The following HNRNPUL1 variants were observed in gnomAD, a reference collection of about 807,000 sequenced individuals.
HNRNPUL1 encodes heterogeneous nuclear ribonucleoprotein U like 1, also known as heterogeneous nuclear ribonucleoprotein U-like protein 1.
Under a neutral mutation model 108.5 loss-of-function variants are expected in HNRNPUL1, and 14 were observed. The observed-to-expected ratio is 0.13, with a 90% CI of 0.09 to 0.20. HNRNPUL1 has a LOEUF of 0.20. Ranked by LOEUF, HNRNPUL1 falls within the 10% of genes least tolerant of loss-of-function variation. The pLI, the probability that HNRNPUL1 is intolerant of heterozygous loss-of-function variation, is 1.00. For missense variants in HNRNPUL1, 804 were observed against 1,168.3 expected (o/e 0.69, Z 4.55); for synonymous variants, 422 against 445.2 (o/e 0.95, Z 0.66).
Position 41,292,632 on chromosome 19 carries a change from AG to A in HNRNPUL1, c.1266+122del. On this transcript the variant is annotated intron_variant, in intron 8 of 14. Transcript: ENST00000392006. The surrounding 1 kb of genome is among the most constrained non-coding windows in gnomAD (Gnocchi z 4.1). ...TTGGGGCAAGTGGCCACTTTGTCCC[AG>A]CTCCTCAGGGTTGGACTCAGAGCTG... 8.0e-7 allele frequency: 1 copy of A among 1,246,878 alleles called. No homozygotes were observed. Among genetic ancestry groups the A allele is most frequent in the Non-Finnish European group, 1.1e-6 (1 of 873,268 alleles). The allele number at this position is 1,246,878 out of a possible 1,614,324, so 77.2% of individuals were successfully genotyped here.
At chr19:41,297,534 C>T (rs1022451542) in intron 10 of HNRNPUL1, among the ~76,000 whole-genome samples, 3 of 152,178 alleles carry the variant, frequency 2.0e-5, no homozygotes, top group African/African-American at 4.8e-5. Flanking sequence ...GAATGAGATG[C>T]TTTCTGGCCT....
chr19:41,284,327 C>T lies in HNRNPUL1; in HGVS notation c.999+3052C>T, dbSNP rs547601907. Among the ~76,000 whole-genome samples the T allele has an allele frequency of 2.6e-5, 4 of 152,332 alleles. No individual in the cohort carries two copies. The East Asian group carries it at 7.7e-4, about 29-fold the overall frequency. ...GAAAAAATTCCCGAAGCCATCACTA[C>T]TGCTGTGCTAGCAGGTGCTAAATCC... is the stretch of plus-strand genomic sequence containing the variant. On this transcript the variant is annotated intron_variant, in intron 7 of 14. Transcript: ENST00000392006.
intron 2 of HNRNPUL1, among the ~76,000 whole-genome samples, chr19:41,268,582 G>A (rs1024050771): frequency 2.0e-5 from 3 of 152,140 alleles, no homozygotes; most frequent in Non-Finnish European, 4.4e-5. Context: ...GTATCAGCCG[G>A]GTGTGGTGGC....
At position 41,281,283 on chromosome 19, in the gene HNRNPUL1, C is replaced by T; in HGVS notation, c.999+8C>T. The T allele has an allele frequency of 6.3e-7, 1 of 1,588,160 alleles. No individual in the cohort carries two copies. The highest frequency in any genetic ancestry group is 8.6e-7 in the Non-Finnish European group (1 of 1,156,484). ...GTGATTGGCTGCTTTGCGGTGAGTGCTAGCAGCCTGTGGGAGTTGGCAGAA... is the reference window on the plus strand; with the variant it reads ...GTGATTGGCTGCTTTGCGGTGAGTGTTAGCAGCCTGTGGGAGTTGGCAGAA... On this transcript the variant is annotated splice_region_variant and intron_variant, in intron 7 of 14. Transcript: ENST00000392006.
In HNRNPUL1 at chr19:41,300,609, A is replaced by G. The variant is rs1459212681; in HGVS notation, c.1519-927A>G. Among the ~76,000 whole-genome samples, 12 of 152,122 alleles carry G rather than the reference A, an allele frequency of 7.9e-5. 1 individual carries two copies. Among genetic ancestry groups the G allele is most frequent in the Admixed American group, 7.9e-4 (12 of 15,274 alleles). Reference sequence around the variant, plus strand: ...TCAAGTATACAGGCTGAGTCTATGGAACCCTGAATCCAACAGAGGTAGGCC... The same window carrying G: ...TCAAGTATACAGGCTGAGTCTATGGGACCCTGAATCCAACAGAGGTAGGCC... On this transcript the variant is annotated intron_variant, in intron 10 of 14. Transcript: ENST00000392006.
chr19:41,280,263 C>A (rs909189267), intron 6 of HNRNPUL1, among the ~76,000 whole-genome samples: 1 of 151,926 alleles, frequency 6.6e-6, no homozygotes, highest in African/African-American at 2.4e-5. Flanking sequence ...TTAATGGGTA[C>A]GATGTACATT....
At chr19:41,301,483 A>G in intron 10 of HNRNPUL1, 53 bp from the exon 11 acceptor site, 1 of 1,536,334 alleles carries the variant, frequency 6.5e-7, no homozygotes. Flanking sequence ...CTCAGAGGAA[A>G]AAACCAACTC....
At chr19:41,303,937 T>C in intron 12 of HNRNPUL1, 35 bp from the exon 13 acceptor site, 1 of 1,577,780 alleles carries the variant, frequency 6.3e-7, no homozygotes, top group Non-Finnish European at 8.6e-7. Context: ...CATTTGGGAA[T>C]GATGGCGCCT....
At chr19:41,284,174 GA>G (rs1242784920) in intron 7 of HNRNPUL1, among the ~76,000 whole-genome samples, 2 of 148,918 alleles carry the variant, frequency 1.3e-5, no homozygotes, top group African/African-American at 4.8e-5. Context: ...CTCAGAAGCA[GA>G]AAAAAGTTAT....
intron 7 of HNRNPUL1, among the ~76,000 whole-genome samples, chr19:41,290,344 GA>G (rs1049894011): frequency 2.6e-5 from 4 of 151,826 alleles, no homozygotes; most frequent in Non-Finnish European, 5.9e-5. Context: ...AAAACACTAA[GA>G]AAAAAAAGAG....
chr19:41,265,100 AAG>A, intron 1 of HNRNPUL1: 3 of 1,411,372 alleles, frequency 2.1e-6, no homozygotes, highest in Non-Finnish European at 2.8e-6. Flanking sequence ...TCTGGAGCCG[AAG>A]AGAGTCGGAA....
At chr19:41,267,165 C>T (rs925951041) in intron 1 of HNRNPUL1, among the ~76,000 whole-genome samples, 6 of 152,172 alleles carry the variant, frequency 3.9e-5, no homozygotes, top group Non-Finnish European at 8.8e-5. Flanking sequence ...ATAGTGTGTT[C>T]ACAGCCCCTC....
At chr19:41,295,939 T>TC (rs1272408232) in intron 10 of HNRNPUL1, among the ~76,000 whole-genome samples, 1 of 152,226 alleles carries the variant, frequency 6.6e-6, no homozygotes, top group East Asian at 1.9e-4. Context: ...CAGTGTTCTC[T>TC]CCGCTTTGAA....
At chr19:41,278,607 TG>T (rs2035716320) in intron 5 of HNRNPUL1, among the ~76,000 whole-genome samples, 1 of 151,730 alleles carries the variant, frequency 6.6e-6, no homozygotes, top group South Asian at 2.1e-4. Context: ...GGGGTTTTGT[TG>T]TTTTTTTCTT....
At chr19:41,306,189 G>GT (rs1169802150) in intron 14 of HNRNPUL1, among the ~76,000 whole-genome samples, 2 of 152,176 alleles carry the variant, frequency 1.3e-5, no homozygotes, top group Non-Finnish European at 2.9e-5. Context: ...CCCCATACCT[G>GT]TTACTAAATC....
chr19:41,272,248 G>A lies in HNRNPUL1; in HGVS notation c.572+13G>A, dbSNP rs574973882. The A allele has an allele frequency of 6.2e-7, 1 of 1,611,680 alleles. No homozygotes were observed. The highest frequency in any genetic ancestry group is 1.1e-5 in the South Asian group (1 of 90,988). ...GAGAGGATAGGAGGTGGGTGTATGA[G>A]GCAGCAGTCACCCTTGCTCTGGTAG... On this transcript the variant is annotated intron_variant, in intron 3 of 14. Coordinates refer to ENST00000392006, the MANE Select transcript of HNRNPUL1 (RefSeq NM_007040.6).
intron 7 of HNRNPUL1, among the ~76,000 whole-genome samples, chr19:41,283,106 A>G (rs981856653): frequency 3.9e-5 from 6 of 152,232 alleles, no homozygotes. Context: ...CATGTCATGA[A>G]TGCATAAAAT....
Position 41,264,407 on chromosome 19 carries a change from C to CT in HNRNPUL1, c.-97_-96insT. ...GCTGCCGCCATTGGAGTGGGCCCCC[C>CT]CCCTTTCCCCCTTCGCCTCCTGACA... is the stretch of plus-strand genomic sequence containing the variant. On this transcript the variant is annotated 5_prime_UTR_variant, in exon 1 of 15. Transcript: ENST00000392006. 9.3e-7 allele frequency: 1 copy of CT among 1,072,792 alleles called. No homozygotes were observed. The highest frequency in any genetic ancestry group is 1.2e-6 in the Non-Finnish European group (1 of 826,432). 66.5% of individuals were successfully genotyped at this position (1,072,792 alleles called of 1,614,324 possible). A position where few individuals can be genotyped will look rare whatever the true frequency, so the allele number is the denominator to read the frequency against.
At chr19:41,297,473 A>G (rs936828630) in intron 10 of HNRNPUL1, among the ~76,000 whole-genome samples, 1 of 152,208 alleles carries the variant, frequency 6.6e-6, no homozygotes, top group Non-Finnish European at 1.5e-5. Context: ...AGAAGGCCAC[A>G]TTGCTTCAGG....
Sources: gnomAD v4.1 joint callset for allele counts (sites outside exome capture counted in the v4.1 genomes callset) on GRCh38, gnomAD v4.1.1 for gene constraint, Gnocchi (gnomAD v3.1) non-coding constraint, MANE v1.5 for transcripts, NCBI Gene and HGNC (gene_info 2026-07-23, HGNC 2026-07-21) for gene names.